The following CCDC88C variants were observed in gnomAD, a reference collection of about 807,000 sequenced individuals.
CCDC88C encodes the protein coiled-coil and HOOK domain protein 88C, also known as protein Daple.
Under a neutral mutation model 198.8 loss-of-function variants are expected in CCDC88C, and 131 were observed. That is an observed-to-expected ratio of 0.66 (90% confidence interval 0.57 to 0.76). The LOEUF (loss-of-function observed/expected upper bound fraction) is 0.76. Ranked by LOEUF, CCDC88C falls within the 30% of genes least tolerant of loss-of-function variation. The pLI, the probability that CCDC88C is intolerant of heterozygous loss-of-function variation, is 0.00. For missense variants in CCDC88C, 2,553 were observed against 2,631.6 expected (o/e 0.97, Z 0.65); for synonymous variants, 1,166 against 1,114.7 (o/e 1.05, Z -0.92).
At position 91,278,146 on chromosome 14, in the gene CCDC88C, C is replaced by A. The variant is rs747732504; in HGVS notation, c.4834G>T (p.Asp1612Tyr). The A allele has an allele frequency of 6.2e-7, 1 of 1,613,158 alleles. No individual in the cohort carries two copies. The highest frequency in any genetic ancestry group is 1.1e-5 in the South Asian group (1 of 90,962). Residue 1612 changes from aspartate (D) to tyrosine (Y), a missense_variant, in exon 29 of 30, where the codon GAC becomes TAC. This residue lies in a region of CCDC88C where 1,293 missense variants were observed against 1,219.6 expected (regional missense o/e 1.06). Transcript: ENST00000389857. ...GCTTCCCGGGGCAAAGTGGCCAGGT[C>A]CCTGCTGGGGATCAGGTCTTCGCTG... Reference protein sequence around the residue: ...FSSEDLIPSRDLATLPREAST... With the variant: ...FSSEDLIPSRYLATLPREAST...
intron 26 of CCDC88C, among the ~76,000 whole-genome samples, chr14:91,282,258 T>C (rs1310350836): frequency 6.6e-6 from 1 of 152,232 alleles, no homozygotes; most frequent in Non-Finnish European, 1.5e-5. Context: ...CTCAAGGTTC[T>C]ACATGCCCAT....
At chr14:91,412,885 C>T (rs566057758) in intron 2 of CCDC88C, among the ~76,000 whole-genome samples, 59 of 152,270 alleles carry the variant, frequency 3.9e-4, no homozygotes, top group Non-Finnish European at 7.2e-4. Flanking sequence ...AAAATTTCCC[C>T]TTTTATCCTA....
intron 10 of CCDC88C, among the ~76,000 whole-genome samples, chr14:91,333,829 C>T (rs964488984): frequency 7.2e-5 from 11 of 152,124 alleles, no homozygotes; most frequent in East Asian, 1.9e-4. Flanking sequence ...AGACACAGAC[C>T]GCATCTTGAG....
chr14:91,417,661 C>T lies in CCDC88C; in HGVS notation c.30G>A (p.Glu10=). The part of the protein sequence containing the change: MDVTVSELL[E]LFLQSPLVTW... The stretch of plus-strand genomic sequence containing the variant: ...TCACCAGCGGGCTCTGCAGGAAGAG[C>T]TCCAGGAGCTCCGAGACTGTCACGT... Residue 10 remains glutamate (E), a synonymous_variant, in exon 1 of 30, where the codon GAG becomes GAA. Coordinates refer to ENST00000389857, the MANE Select transcript of CCDC88C (RefSeq NM_001080414.4). The T allele has an allele frequency of 6.3e-7, 1 of 1,586,588 alleles. No individual in the cohort carries two copies. The highest frequency in any genetic ancestry group is 2.4e-5 in the East Asian group (1 of 42,116).
rs367583267 is a variant in CCDC88C, at chr14:91,379,607, C to T, written c.271-19896G>A. On this transcript the variant is annotated intron_variant, in intron 3 of 29. Coordinates refer to ENST00000389857, the MANE Select transcript of CCDC88C (RefSeq NM_001080414.4). ...GGATCACACGAGCAGAAGTGGGACG[C>T]TGACGGTGCCTCCTGGGGTAGGAAC... 263 of 569,934 alleles carry T rather than the reference C, an allele frequency of 4.6e-4. 3 individuals carry two copies. Among genetic ancestry groups the T allele is most frequent in the African/African-American group, 4.4e-3 (234 of 53,048 alleles). The allele number at this position is 569,934 out of a possible 1,614,324, so 35.3% of individuals were successfully genotyped here.
Position 91,393,964 on chromosome 14 carries a change from T to G in CCDC88C, c.270+14695A>C, listed in dbSNP as rs370094576. On this transcript the variant is annotated intron_variant, in intron 3 of 29. Coordinates refer to ENST00000389857, the MANE Select transcript of CCDC88C (RefSeq NM_001080414.4). ...CCAATTGAGCACAAAAAGTGCCAGCTGCTCCGGAGTTTCTGTCCTTTAAGT... is the reference window on the plus strand; with the variant it reads ...CCAATTGAGCACAAAAAGTGCCAGCGGCTCCGGAGTTTCTGTCCTTTAAGT... Among the ~76,000 whole-genome samples the G allele has an allele frequency of 1.6e-4, 24 of 152,380 alleles. No individual in the cohort carries two copies. In the East Asian group the frequency reaches 3.1e-3, roughly 20 times the overall value.
intron 13 of CCDC88C, among the ~76,000 whole-genome samples, chr14:91,317,506 A>G (rs1892151357): frequency 6.6e-6 from 1 of 152,224 alleles, no homozygotes. Flanking sequence ...AATGCTGGCG[A>G]GCACCCTCTA....
intron 3 of CCDC88C, among the ~76,000 whole-genome samples, chr14:91,400,651 G>A (rs1289280650): frequency 6.6e-6 from 1 of 152,232 alleles, no homozygotes; most frequent in East Asian, 1.9e-4. Context: ...CCCAGACATT[G>A]CAAACACAAC....
intron 3 of CCDC88C, among the ~76,000 whole-genome samples, chr14:91,372,658 G>A (rs1325589362): frequency 1.3e-5 from 2 of 151,948 alleles, no homozygotes; most frequent in Non-Finnish European, 2.9e-5. Context: ...GGACAACTGA[G>A]AACCAGATGT....
chr14:91,375,438 C>T lies in CCDC88C; in HGVS notation c.271-15727G>A, dbSNP rs190772665. Reference sequence around the variant, plus strand: ...TCAAATCAGATGAAGCTTATTCTTCCTTTTTTCCTTTAAGTAGGGAAGCTT... The same window carrying T: ...TCAAATCAGATGAAGCTTATTCTTCTTTTTTTCCTTTAAGTAGGGAAGCTT... On this transcript the variant is annotated intron_variant, in intron 3 of 29. Coordinates refer to ENST00000389857, the MANE Select transcript of CCDC88C (RefSeq NM_001080414.4). 5.3e-5 allele frequency among the ~76,000 whole-genome samples: 8 copies of T among 152,186 alleles called. No individual in the cohort carries two copies. In the South Asian group the frequency reaches 6.2e-4, roughly 12 times the overall value.
Position 91,272,334 on chromosome 14 carries a change from CAGTT to C in CCDC88C, c.*287_*290del. Reference sequence around the variant, plus strand: ...GAGTAGTGTCTGCTTTGGGGGAAGTCAGTTTGTCATTGCATCCTAATTGGTCCCC... The same window carrying C: ...GAGTAGTGTCTGCTTTGGGGGAAGTCTGTCATTGCATCCTAATTGGTCCCC... On this transcript the variant is annotated 3_prime_UTR_variant, in exon 30 of 30. Transcript: ENST00000389857. The C allele has an allele frequency of 2.3e-6, 1 of 433,944 alleles. No homozygotes were observed. The highest frequency in any genetic ancestry group is 4.2e-6 in the Non-Finnish European group (1 of 240,644). 26.9% of individuals were successfully genotyped at this position (433,944 alleles called of 1,614,324 possible). A position where few individuals can be genotyped will look rare whatever the true frequency, so the allele number is the denominator to read the frequency against.
intron 25 of CCDC88C, among the ~76,000 whole-genome samples, chr14:91,287,636 C>CTTT (rs71120129): frequency 8.3e-4 from 63 of 75,658 alleles, no homozygotes; most frequent in African/African-American, 1.2e-3. Flanking sequence ...TGCACCAGGT[C>CTTT]TTTTTTTTTT....
In CCDC88C at chr14:91,289,280, C is replaced by G; in HGVS notation, c.4266G>C (p.Ser1422=). ...CCACGGTGGATTTTAAGCGTTCCCT[C>G]GAACCCTCTTTCTTTGGTTTGATGA... ...VKLIKPKKEG[S]RERLKSTVDS... is the part of the protein sequence containing the mutation. Residue 1422 remains serine (S), a synonymous_variant, in exon 25 of 30, where the codon TCG becomes TCC. Transcript: ENST00000389857. 1 of 1,614,026 alleles carries G rather than the reference C, an allele frequency of 6.2e-7. No individual in the cohort carries two copies. The highest frequency in any genetic ancestry group is 1.6e-4 in the Middle Eastern group (1 of 6,062).
chr14:91,291,828 C>T (rs1890674614), intron 23 of CCDC88C, among the ~76,000 whole-genome samples: 1 of 152,178 alleles, frequency 6.6e-6, no homozygotes, highest in Non-Finnish European at 1.5e-5. Context: ...AGAGATATCT[C>T]TTGAATCTTG....
chr14:91,291,341 A>C (rs561942038), intron 23 of CCDC88C, among the ~76,000 whole-genome samples: 1 of 152,236 alleles, frequency 6.6e-6, no homozygotes, highest in Non-Finnish European at 1.5e-5. Flanking sequence ...TCAAGGCAGC[A>C]AACTTCTAAC....
At chr14:91,337,211 C>T (rs1420373218) in intron 10 of CCDC88C, among the ~76,000 whole-genome samples, 3 of 152,180 alleles carry the variant, frequency 2.0e-5, no homozygotes, top group Non-Finnish European at 4.4e-5. Flanking sequence ...ACCCTTTCAC[C>T]TACATTTTTC....
intron 3 of CCDC88C, among the ~76,000 whole-genome samples, chr14:91,372,105 C>G (rs1894834312): frequency 1.3e-5 from 2 of 152,182 alleles, no homozygotes; most frequent in Non-Finnish European, 1.5e-5. Context: ...ATCTGGAGGG[C>G]AGGGAGAGCT....
chr14:91,300,097 G>A, intron 20 of CCDC88C, 27 bp from the exon 21 acceptor site: 1 of 1,600,658 alleles, frequency 6.2e-7, no homozygotes, highest in South Asian at 1.1e-5. Context: ...CCTGCCGTGA[G>A]TCTGGCCAGG....
chr14:91,312,289 G>A (rs1303914975), intron 15 of CCDC88C, among the ~76,000 whole-genome samples: 2 of 152,314 alleles, frequency 1.3e-5, no homozygotes, highest in East Asian at 3.9e-4. Flanking sequence ...TTAGGAGGCT[G>A]AGGCAGGAGA....
Sources: gnomAD v4.1 joint callset for allele counts (sites outside exome capture counted in the v4.1 genomes callset) on GRCh38, gnomAD v4.1.1 for gene constraint, gnomAD v4.1.1 regional missense constraint, MANE v1.5 for transcripts, NCBI Gene and HGNC (gene_info 2026-07-23, HGNC 2026-07-21) for gene names.